The following RABL3 variants were observed in gnomAD, a reference collection of about 807,000 sequenced individuals.
RABL3 encodes rab-like protein 3.
A neutral mutation model predicts 31.8 loss-of-function variants in RABL3; 31 were observed. That is an observed-to-expected ratio of 0.97 (90% CI 0.73 to 1.31). The LOEUF (loss-of-function observed/expected upper bound fraction) is 1.31. Among genes scored for constraint, RABL3 ranks in the 40% most tolerant of loss-of-function variants. The probability of loss-of-function intolerance (pLI) is 0.00; values close to 1 mark genes in which losing one functional copy is unlikely to be tolerated. For synonymous variants in RABL3, 97 were observed against 99.9 expected (o/e 0.97, Z 0.18); for missense variants, 263 against 279.6 (o/e 0.94, Z 0.42).
At chr3:120,735,219 CA>C (rs1441318471) in intron 1 of RABL3, among the ~76,000 whole-genome samples, 2 of 141,366 alleles carry the variant, frequency 1.4e-5, no homozygotes, top group Non-Finnish European at 3.3e-5. Context: ...CCTCAATTTC[CA>C]AGCCTGTTAT....
At position 120,685,095 on chromosome 3, in the gene RABL3, G is replaced by C. The variant is rs1173185017; in HGVS notation, c.*4728C>G. On this transcript the variant is annotated 3_prime_UTR_variant, in exon 8 of 8. Transcript: ENST00000273375. ...GCACTAGTGGGCACGTAGCCCAGAC[G>C]AGCAGAGCCAGGGAGGGCTTCCCAG... 6.6e-6 allele frequency among the ~76,000 whole-genome samples: 1 copy of C among 152,208 alleles called. No individual in the cohort carries two copies. Among genetic ancestry groups the C allele is most frequent in the African/African-American group, 2.4e-5 (1 of 41,442 alleles).
chr3:120,697,892 G>A (rs937455358), intron 5 of RABL3, among the ~76,000 whole-genome samples: 1 of 152,190 alleles, frequency 6.6e-6, no homozygotes, highest in Non-Finnish European at 1.5e-5. Context: ...TGGGCCAGGT[G>A]CAGTGGCTCG....
In RABL3 at chr3:120,685,286, C is replaced by A. The variant is rs1331452926; in HGVS notation, c.*4537G>T. 6.6e-6 allele frequency among the ~76,000 whole-genome samples: 1 copy of A among 152,168 alleles called. No homozygotes were observed. Among genetic ancestry groups the A allele is most frequent in the Non-Finnish European group, 1.5e-5 (1 of 68,034 alleles). ...CATCAGAGGACTCCAGGACAGATGT[C>A]TCCGAGAAAAAGATGGAACGGAGAG... On this transcript the variant is annotated 3_prime_UTR_variant, in exon 8 of 8. Transcript: ENST00000273375.
At chr3:120,694,557 C>T (rs948967575) in intron 5 of RABL3, among the ~76,000 whole-genome samples, 2 of 151,916 alleles carry the variant, frequency 1.3e-5, no homozygotes, top group African/African-American at 4.8e-5. Context: ...ACATTTACCC[C>T]GAAAACCAGA....
chr3:120,690,530 C>CA, intron 6 of RABL3, 43 bp from the exon 7 acceptor site: 1 of 1,449,782 alleles, frequency 6.9e-7, no homozygotes, highest in Non-Finnish European at 9.6e-7. Flanking sequence ...CACATACCTG[C>CA]AAAAAGTGGC....
intron 1 of RABL3, 81 bp downstream of exon 1, chr3:120,742,381 G>T: frequency 1.5e-6 from 2 of 1,352,868 alleles, no homozygotes; most frequent in Non-Finnish European, 2.1e-6. Context: ...GAGCCAGGAA[G>T]TTGAGGGAAG....
chr3:120,733,290 G>A (rs1320689036), intron 1 of RABL3, among the ~76,000 whole-genome samples: 6 of 152,160 alleles, frequency 3.9e-5, no homozygotes, highest in Non-Finnish European at 8.8e-5. Flanking sequence ...TTGTGGTTTT[G>A]ATTTGCATTT....
In RABL3 at chr3:120,736,833, TTTTC is replaced by T. The variant is rs554666310; in HGVS notation, c.46+5625_46+5628del. 1.9e-4 allele frequency among the ~76,000 whole-genome samples: 29 copies of T among 152,362 alleles called. No homozygotes were observed. In the East Asian group the frequency reaches 5.6e-3, roughly 29 times the overall value. Reference sequence around the variant, plus strand: ...ATATGAAATTCTGGGTTGAAAATTCTTTTCTTTAAGAATGTTGAATATTGGTCCT... The same window carrying T: ...ATATGAAATTCTGGGTTGAAAATTCTTTTAAGAATGTTGAATATTGGTCCT... On this transcript the variant is annotated intron_variant, in intron 1 of 7. Transcript: ENST00000273375.
intron 1 of RABL3, among the ~76,000 whole-genome samples, chr3:120,732,365 T>A (rs1217034315): frequency 6.6e-6 from 1 of 152,178 alleles, no homozygotes; most frequent in Admixed American, 6.5e-5. Context: ...GGGCCTCCAC[T>A]GTACCCTGTA....
In RABL3 at chr3:120,698,054, C is replaced by G. The variant is rs145938673; in HGVS notation, c.534+369G>C. On this transcript the variant is annotated intron_variant, in intron 5 of 7. Transcript: ENST00000273375. ...TGGTACATGCCTGTAATCCCAGCTA[C>G]TCAGGTGGCCTAAGCATGAGAATCG... Among the ~76,000 whole-genome samples, 863 of 152,296 alleles carry G rather than the reference C, an allele frequency of 5.7e-3. 11 individuals are homozygous for G. The highest frequency in any genetic ancestry group is 0.02 in the African/African-American group (831 of 41,562).
rs984314258 is a variant in RABL3 at position 120,689,743 on chromosome 3, G to A, written c.*80C>T. The A allele has an allele frequency of 9.6e-6, 9 of 936,522 alleles. No homozygotes were observed. Among genetic ancestry groups the A allele is most frequent in the Non-Finnish European group, 1.6e-5 (9 of 577,754 alleles). The allele number at this position is 936,522 out of a possible 1,614,324, so 58.0% of individuals were successfully genotyped here. Reference sequence around the variant, plus strand: ...TAAGATGATTTTGTTAAAAGGCTGTGATGGTAATAATTGAACACAGCAAGA... The same window carrying A: ...TAAGATGATTTTGTTAAAAGGCTGTAATGGTAATAATTGAACACAGCAAGA... On this transcript the variant is annotated 3_prime_UTR_variant, in exon 8 of 8. Transcript: ENST00000273375.
At chr3:120,733,336 T>C (rs1171538382) in intron 1 of RABL3, among the ~76,000 whole-genome samples, 1 of 152,208 alleles carries the variant, frequency 6.6e-6, no homozygotes, top group African/African-American at 2.4e-5. Flanking sequence ...TTTTTTCATG[T>C]GTCTTTTGGC....
chr3:120,734,033 G>C (rs1393754841), intron 1 of RABL3, among the ~76,000 whole-genome samples: 1 of 152,126 alleles, frequency 6.6e-6, no homozygotes, highest in Non-Finnish European at 1.5e-5. Context: ...TCGAAATGTG[G>C]GCGCTTTTTT....
chr3:120,696,768 C>T (rs998450170), intron 5 of RABL3, among the ~76,000 whole-genome samples: 1 of 152,182 alleles, frequency 6.6e-6, no homozygotes, highest in African/African-American at 2.4e-5. Flanking sequence ...AATCTCAGCA[C>T]TTCTTCAACA....
At chr3:120,729,779 C>T (rs1708861118) in intron 2 of RABL3, among the ~76,000 whole-genome samples, 1 of 151,864 alleles carries the variant, frequency 6.6e-6, no homozygotes, top group South Asian at 2.1e-4. Context: ...GAAATATTAA[C>T]AGTTATGAAG....
intron 2 of RABL3, among the ~76,000 whole-genome samples, chr3:120,726,511 C>T (rs986068389): frequency 5.3e-5 from 8 of 151,984 alleles, no homozygotes; most frequent in South Asian, 2.1e-4. Context: ...CTGTAATCCC[C>T]GGCCAGAGTA....
At chr3:120,736,630 A>C (rs547737745) in intron 1 of RABL3, among the ~76,000 whole-genome samples, 1 of 152,252 alleles carries the variant, frequency 6.6e-6, no homozygotes, top group African/African-American at 2.4e-5. Context: ...CCTAGCCTCA[A>C]TGGTCTTTAC....
chr3:120,720,555 C>T lies in RABL3; in HGVS notation c.138+10141G>A, dbSNP rs141930129. 3.6e-4 allele frequency among the ~76,000 whole-genome samples: 54 copies of T among 152,096 alleles called. No individual in the cohort carries two copies. In the East Asian group the frequency reaches 7.3e-3, roughly 21 times the overall value. ...TGACGAATGCACAAGCCTCAGTAGT[C>T]GATTCAATCAATTGGAAGAAAGGGT... is the stretch of plus-strand genomic sequence containing the variant. On this transcript the variant is annotated intron_variant, in intron 2 of 7. Transcript: ENST00000273375.
At chr3:120,707,396 T>C (rs577978579) in intron 3 of RABL3, among the ~76,000 whole-genome samples, 1 of 152,284 alleles carries the variant, frequency 6.6e-6, no homozygotes, top group South Asian at 2.1e-4. Flanking sequence ...CATTAAAGAC[T>C]ACAGCTAATA....
Sources: allele counts gnomAD v4.1 joint callset (sites outside exome capture counted in the v4.1 genomes callset), GRCh38; gene constraint gnomAD v4.1.1; transcripts MANE v1.5; gene names NCBI Gene and HGNC (gene_info 2026-07-23, HGNC 2026-07-21).